Variants in ACACB observed in about 807,000 individuals in gnomAD.
ACACB encodes the protein acetyl-CoA carboxylase 2.
A neutral mutation model predicts 278.8 loss-of-function variants in ACACB; 209 were observed. The observed-to-expected ratio is 0.75, with a 90% CI of 0.67 to 0.84. The LOEUF is 0.84. Among genes scored for constraint, ACACB ranks in the 40% least tolerant of loss-of-function variants. The pLI is 0.00. For synonymous variants in ACACB, 1,174 were observed against 1,285.6 expected, an observed-to-expected ratio of 0.91 and a Z score of 1.86; for missense variants, 2,850 against 3,269.0, an observed-to-expected ratio of 0.87 and a Z score of 3.13.
At chr12:109,122,515 A>G (rs764603987) in intron 1 of ACACB, among the ~76,000 whole-genome samples, 3 of 145,820 alleles carry the variant, frequency 2.1e-5, no homozygotes, top group African/African-American at 2.6e-5. Flanking sequence ...CAAGGCTGCA[A>G]TGAGCTATGA....
Position 109,216,778 on chromosome 12 carries a change from G to A in ACACB, c.3440-18G>A, listed in dbSNP as rs942942253. 1 of 1,613,948 alleles carries A rather than the reference G, an allele frequency of 6.2e-7. No homozygotes were observed. The highest frequency in any genetic ancestry group is 1.3e-5 in the African/African-American group (1 of 74,898). On this transcript the variant is annotated intron_variant, in intron 23 of 52. Coordinates refer to ENST00000338432, the MANE Select transcript of ACACB (RefSeq NM_001093.4). ...GGAGCCTGAGCTTTACCTCTGTGTG[G>A]TGTTTTGTCTCCCCCAGCCCACTAC...
At chr12:109,122,377 A>G (rs992432876) in intron 1 of ACACB, among the ~76,000 whole-genome samples, 1 of 151,966 alleles carries the variant, frequency 6.6e-6, no homozygotes, top group Admixed American at 6.6e-5. Context: ...TTGGGAGGCC[A>G]AGGCGGGAGG....
chr12:109,166,597 C>T (rs556758701), intron 2 of ACACB, among the ~76,000 whole-genome samples: 66 of 134,604 alleles, frequency 4.9e-4, no homozygotes, highest in South Asian at 2.9e-3. Flanking sequence ...CTGCAGCGAG[C>T]CACGATTGCA....
rs753243990 is a variant in ACACB, at chr12:109,199,459, A to G, written c.2685A>G (p.Thr895=). 16 of 1,557,116 alleles carry G rather than the reference A, an allele frequency of 1.0e-5. No individual in the cohort carries two copies. Among genetic ancestry groups the G allele is most frequent in the Admixed American group, 3.8e-5 (2 of 53,158 alleles). ...TCVFEKENDP[T]VLRSPSAGKL... is the part of the protein sequence containing the mutation. ...TGTTTGAGAAGGAGAACGATCCTAC[A>G]GTCCTGAGATCCCCCTCGGCTGGGA... is the stretch of plus-strand genomic sequence containing the variant. Residue 895 remains threonine, a synonymous_variant, in exon 18 of 53, where the codon ACA becomes ACG. Coordinates refer to ENST00000338432, the MANE Select transcript of ACACB (RefSeq NM_001093.4).
intron 2 of ACACB, among the ~76,000 whole-genome samples, chr12:109,156,282 C>T (rs768433758): frequency 6.6e-6 from 1 of 151,780 alleles, no homozygotes; most frequent in Admixed American, 6.6e-5. Context: ...GTAATCCTAG[C>T]GCTTTGGGAG....
At chr12:109,247,222 C>T (rs367925776) in intron 39 of ACACB, among the ~76,000 whole-genome samples, 3 of 151,728 alleles carry the variant, frequency 2.0e-5, no homozygotes, top group Middle Eastern at 6.8e-3. Context: ...CATGCATTCT[C>T]GGGGGCGATA....
intron 19 of ACACB, among the ~76,000 whole-genome samples, chr12:109,205,501 G>A (rs1593553598): frequency 6.6e-6 from 1 of 151,788 alleles, no homozygotes; most frequent in East Asian, 1.9e-4. Context: ...CCAGGCTGGA[G>A]TGCAATGGCA....
At chr12:109,137,516 C>T (rs111690170) in intron 1 of ACACB, among the ~76,000 whole-genome samples, 21 of 151,928 alleles carry the variant, frequency 1.4e-4, no homozygotes, top group Middle Eastern at 3.4e-3. Flanking sequence ...AAAAATTAGC[C>T]GGGCATGGTG....
chr12:109,162,198 C>CA (rs1309958175), intron 2 of ACACB, among the ~76,000 whole-genome samples: 1 of 152,044 alleles, frequency 6.6e-6, no homozygotes, highest in African/African-American at 2.4e-5. Context: ...AGGCTGGTCT[C>CA]AAACTCTTGC....
chr12:109,139,307 C>A, intron 1 of ACACB, 90 bp from the exon 2 acceptor site: 3 of 1,253,822 alleles, frequency 2.4e-6, no homozygotes, highest in Non-Finnish European at 2.2e-6. Flanking sequence ...ATACACAGCA[C>A]CCCAACAGCC....
intron 42 of ACACB, 150 bp from the exon 43 acceptor site, chr12:109,252,865 G>A (rs1178649187): frequency 1.0e-5 from 7 of 690,854 alleles, no homozygotes; most frequent in South Asian, 5.0e-5. Flanking sequence ...GATATAATTG[G>A]TCTGGATGTA....
At position 109,152,209 on chromosome 12, in the gene ACACB, A is replaced by G. The variant is rs146779414; in HGVS notation, c.653+12151A>G. On this transcript the variant is annotated intron_variant, in intron 2 of 52. Transcript: ENST00000338432. The stretch of plus-strand genomic sequence containing the variant: ...GAGCAATACAAGTATGCTGGCAAGC[A>G]GTTCTCTTCTGCATGATCCTAACTG... Among the ~76,000 whole-genome samples, 111 of 152,354 alleles carry G rather than the reference A, an allele frequency of 7.3e-4. No individual in the cohort carries two copies. In the East Asian group the frequency reaches 0.021, roughly 29 times the overall value.
chr12:109,142,836 G>C (rs1040312496), intron 2 of ACACB, among the ~76,000 whole-genome samples: 1 of 152,164 alleles, frequency 6.6e-6, no homozygotes, highest in African/African-American at 2.4e-5. Flanking sequence ...CAAAGTGCTG[G>C]AATTACAGGC....
intron 29 of ACACB, 35 bp downstream of exon 29, chr12:109,232,841 C>A: frequency 6.2e-7 from 1 of 1,611,998 alleles, no homozygotes; most frequent in South Asian, 1.1e-5. Flanking sequence ...ACACCCTGAG[C>A]ATGGGGGCTG....
At chr12:109,211,662 T>C (rs905469035) in intron 21 of ACACB, among the ~76,000 whole-genome samples, 10 of 152,188 alleles carry the variant, frequency 6.6e-5, no homozygotes, top group African/African-American at 2.4e-4. Context: ...GAGTGAGCGC[T>C]AATGACTACA....
chr12:109,168,961 G>A (rs190308248), intron 4 of ACACB, among the ~76,000 whole-genome samples: 2 of 152,110 alleles, frequency 1.3e-5, no homozygotes, highest in East Asian at 1.9e-4. Context: ...CCAATGTGGT[G>A]GAACCCCATC....
intron 4 of ACACB, among the ~76,000 whole-genome samples, chr12:109,171,443 G>A (rs1054581086): frequency 3.3e-5 from 5 of 151,896 alleles, no homozygotes; most frequent in Non-Finnish European, 5.9e-5. Flanking sequence ...TCCGCCTCCT[G>A]GGTTCAAGCG....
intron 16 of ACACB, among the ~76,000 whole-genome samples, chr12:109,194,288 C>A (rs887840116): frequency 6.6e-6 from 1 of 152,076 alleles, no homozygotes; most frequent in Non-Finnish European, 1.5e-5. Flanking sequence ...CTCCATCTCC[C>A]AGGTTCAAGC....
intron 2 of ACACB, among the ~76,000 whole-genome samples, chr12:109,164,272 G>A (rs1231689261): frequency 1.3e-5 from 2 of 152,084 alleles, no homozygotes; most frequent in Admixed American, 6.6e-5. Context: ...TCACTCTGTC[G>A]CCCAGGCTGG....
Sources: allele counts gnomAD v4.1 joint callset (sites outside exome capture counted in the v4.1 genomes callset), GRCh38; gene constraint gnomAD v4.1.1; transcripts MANE v1.5; gene names NCBI Gene and HGNC (gene_info 2026-07-23, HGNC 2026-07-21).